The following SLC23A2 variants were observed in gnomAD, a reference collection of about 807,000 sequenced individuals.
SLC23A2 encodes solute carrier family 23 member 2, also known as Na(+)/L-ascorbic acid transporter 2.
A neutral mutation model predicts 73.3 loss-of-function variants in SLC23A2; 36 were observed. The observed-to-expected ratio is 0.49, with a 90% confidence interval of 0.38 to 0.65. The LOEUF (loss-of-function observed/expected upper bound fraction) is 0.65, where lower values mean the gene tolerates loss of function less well. SLC23A2 is among the 30% of genes least tolerant of loss of function. The pLI is 0.00. For synonymous variants in SLC23A2, 343 were observed against 327.3 expected, an observed-to-expected ratio of 1.05 and a Z score of -0.52; for missense variants, 507 against 841.6, an observed-to-expected ratio of 0.60 and a Z score of 4.92.
Position 4,859,397 on chromosome 20 carries a change from C to T in SLC23A2, c.1625-13G>A. ...ATTCCTGTTATCCCTAGAAAGAGAA[C>T]ACAGCCATAAACGATCAGTGCCACA... is the stretch of plus-strand genomic sequence containing the variant. On this transcript the variant is annotated splice_polypyrimidine_tract_variant and intron_variant, in intron 15 of 16. Transcript: ENST00000338244. 1 of 1,574,548 alleles carries T rather than the reference C, an allele frequency of 6.4e-7. No individual in the cohort carries two copies. The highest frequency in any genetic ancestry group is 8.7e-7 in the Non-Finnish European group (1 of 1,144,012).
chr20:4,855,384 G>A lies in SLC23A2; in HGVS notation c.*1588C>T, dbSNP rs1028034565. ...GCACCCACGCAGCTGACCAAAGCTC[G>A]ACCAGGCCAACGGCCACCGAAGATG... On this transcript the variant is annotated 3_prime_UTR_variant, in exon 17 of 17. Transcript: ENST00000338244. 2.6e-5 allele frequency: 4 copies of A among 152,270 alleles called. No homozygotes were observed. The highest frequency in any genetic ancestry group is 9.6e-5 in the African/African-American group (4 of 41,460). The allele number at this position is 152,270 out of a possible 1,614,324, so 9.4% of individuals were successfully genotyped here.
At chr20:4,961,212 A>G (rs569630282) in intron 2 of SLC23A2, among the ~76,000 whole-genome samples, 1 of 151,124 alleles carries the variant, frequency 6.6e-6, no homozygotes, top group Non-Finnish European at 1.5e-5. Flanking sequence ...GGTTCAAGCA[A>G]TTCTCCCTAT....
At chr20:4,920,248 G>A (rs1417852144) in intron 3 of SLC23A2, among the ~76,000 whole-genome samples, 1 of 152,174 alleles carries the variant, frequency 6.6e-6, no homozygotes, top group African/African-American at 2.4e-5. Context: ...GCAACAGAAC[G>A]AGACTCCACC....
chr20:4,921,202 G>A (rs543179789), intron 3 of SLC23A2, among the ~76,000 whole-genome samples: 3 of 152,268 alleles, frequency 2.0e-5, no homozygotes, highest in East Asian at 1.9e-4. Context: ...GAGATGCCAC[G>A]ATATGATACA....
intron 1 of SLC23A2, among the ~76,000 whole-genome samples, chr20:4,972,749 C>T (rs1320324643): frequency 6.6e-6 from 1 of 152,048 alleles, no homozygotes; most frequent in Non-Finnish European, 1.5e-5. Flanking sequence ...CCATGCCTGG[C>T]TAATTTTTTG....
chr20:4,954,373 C>A (rs1402766140), intron 2 of SLC23A2, among the ~76,000 whole-genome samples: 1 of 152,008 alleles, frequency 6.6e-6, no homozygotes, highest in Non-Finnish European at 1.5e-5. Flanking sequence ...ATCTATCATG[C>A]CACAAGGAAA....
At chr20:5,007,430 C>T (rs6038038) in intron 1 of SLC23A2, among the ~76,000 whole-genome samples, 23,877 of 151,954 alleles carry the variant, frequency 0.16, 2,050 homozygotes, top group African/African-American at 0.23. Context: ...ACTTGGGAGG[C>T]TGAGGCAGGA....
At position 4,978,896 on chromosome 20, in the gene SLC23A2, T is replaced by C. The variant is rs1194920343; in HGVS notation, c.-281-7977A>G. ...TGCCGATTTTTAAACAAGAACCCTA[T>C]AGGGTAAAATCAGAAAGAGTTATTT... On this transcript the variant is annotated intron_variant, in intron 1 of 16. Coordinates refer to ENST00000338244, the MANE Select transcript of SLC23A2 (RefSeq NM_005116.6). 1.6e-4 allele frequency among the ~76,000 whole-genome samples: 24 copies of C among 152,040 alleles called. 1 individual carries two copies. The highest frequency in any genetic ancestry group is 5.1e-4 in the African/African-American group (21 of 41,388).
intron 6 of SLC23A2, among the ~76,000 whole-genome samples, chr20:4,890,693 T>C (rs186474033): frequency 5.4e-4 from 82 of 152,304 alleles, no homozygotes; most frequent in Non-Finnish European, 8.8e-4. Flanking sequence ...GAAAACTTTT[T>C]CTTAATTGAT....
At chr20:4,912,638 G>A (rs1461045493) in intron 4 of SLC23A2, among the ~76,000 whole-genome samples, 1 of 133,104 alleles carries the variant, frequency 7.5e-6, no homozygotes, top group Non-Finnish European at 1.5e-5. Flanking sequence ...CTCCTCTATG[G>A]TTCTCACCTT....
chr20:4,981,662 TTCCC>T (rs763393387), intron 1 of SLC23A2, among the ~76,000 whole-genome samples: 5 of 151,880 alleles, frequency 3.3e-5, no homozygotes, highest in East Asian at 1.9e-4. Context: ...GGGTTGGCAA[TTCCC>T]TCCCTCCCTC....
chr20:4,914,569 G>A (rs1932261996), intron 3 of SLC23A2, among the ~76,000 whole-genome samples: 1 of 151,970 alleles, frequency 6.6e-6, no homozygotes, highest in South Asian at 2.1e-4. Flanking sequence ...TGTGGATCCA[G>A]CAATTATACT....
At chr20:4,919,700 T>C (rs114488067) in intron 3 of SLC23A2, among the ~76,000 whole-genome samples, 3,768 of 152,292 alleles carry the variant, frequency 0.025, 58 homozygotes, top group South Asian at 0.047. Flanking sequence ...CTGGGGATCC[T>C]GTCCCCAGAT....
rs138546940 is a variant in SLC23A2, at chr20:4,858,170, G to C, written c.1721-966C>G. On this transcript the variant is annotated intron_variant, in intron 16 of 16. Transcript: ENST00000338244. ...TCCATTTTAGCGTGTCTGGTGCTAT[G>C]GGGGACACACAGGTCATGTACCTGT... Among the ~76,000 whole-genome samples the C allele has an allele frequency of 1.2e-4, 18 of 152,206 alleles. No individual in the cohort carries two copies. The East Asian group carries it at 3.5e-3, about 29-fold the overall frequency.
chr20:4,984,127 G>A (rs1386106809), intron 1 of SLC23A2, among the ~76,000 whole-genome samples: 1 of 152,158 alleles, frequency 6.6e-6, no homozygotes, highest in Non-Finnish European at 1.5e-5. Flanking sequence ...AAGAAAGCTG[G>A]ATGACCCAGC....
chr20:4,924,908 G>A (rs1377551553), intron 3 of SLC23A2, among the ~76,000 whole-genome samples: 2 of 152,208 alleles, frequency 1.3e-5, no homozygotes, highest in Non-Finnish European at 2.9e-5. Context: ...CCTGTGGCCA[G>A]GCAAAGTGGC....
chr20:4,943,158 A>AAGAT (rs1874816658), intron 2 of SLC23A2, among the ~76,000 whole-genome samples: 1 of 151,220 alleles, frequency 6.6e-6, no homozygotes, highest in South Asian at 2.1e-4. Context: ...CGGTGTGGAG[A>AAGAT]AGATAGATGT....
chr20:4,919,279 CA>C (rs1932426515), intron 3 of SLC23A2, among the ~76,000 whole-genome samples: 3 of 152,236 alleles, frequency 2.0e-5, no homozygotes, highest in Admixed American at 6.5e-5. Flanking sequence ...CCTCTTCCCA[CA>C]GGATGGCTCC....
At position 4,857,124 on chromosome 20, in the gene SLC23A2, A is replaced by C. The variant is rs762719817; in HGVS notation, c.1801T>G (p.Tyr601Asp). ...GNKSLDGMESYNLPFGMNIIK... is the reference protein window; with the variant it reads ...GNKSLDGMESDNLPFGMNIIK... ...ATGTTCATGCCAAATGGCAAATTGT[A>C]CGACTCCATGCCGTCGAGTGATTTG... is the stretch of plus-strand genomic sequence containing the variant. Residue 601 changes from tyrosine (Y) to aspartate (D), a missense_variant, in exon 17 of 17, where the codon TAC becomes GAC. Tyr to Asp is a radical substitution (Grantham distance 160). Coordinates refer to ENST00000338244, the MANE Select transcript of SLC23A2 (RefSeq NM_005116.6). The surrounding 1 kb of genome is among the most constrained non-coding windows in gnomAD (Gnocchi z 4.0). The C allele has an allele frequency of 6.2e-7, 1 of 1,614,146 alleles. No homozygotes were observed. Among genetic ancestry groups the C allele is most frequent in the Admixed American group, 1.7e-5 (1 of 60,026 alleles).
Sources: allele counts gnomAD v4.1 joint callset (sites outside exome capture counted in the v4.1 genomes callset), GRCh38; gene constraint gnomAD v4.1.1; non-coding constraint Gnocchi (gnomAD v3.1); transcripts MANE v1.5; gene names NCBI Gene and HGNC (gene_info 2026-07-23, HGNC 2026-07-21).